The following MEAK7 variants were observed in gnomAD, a reference collection of about 807,000 sequenced individuals.
The protein encoded by MEAK7 is MTOR-associated protein MEAK7.
In MEAK7, 68 loss-of-function variants were observed where a neutral mutation model predicts 40.5. The observed-to-expected ratio is 1.68, with a 90% confidence interval of 1.38 to 2.06. The LOEUF is 2.06. MEAK7 is among the 30% of genes most tolerant of loss of function. MEAK7 has a pLI of 0.00. For missense variants in MEAK7, 918 were observed against 580.5 expected, an observed-to-expected ratio of 1.58 and a Z score of -5.98; for synonymous variants, 338 against 231.9, an observed-to-expected ratio of 1.46 and a Z score of -4.16.
chr16:84,497,435 G>C, intron 2 of MEAK7: 1 of 1,288,932 alleles, frequency 7.8e-7, no homozygotes, highest in African/African-American at 1.5e-5. Context: ...TAGAGGCAAC[G>C]GTGCACCTGA....
At position 84,479,974 on chromosome 16, in the gene MEAK7, AG is replaced by A. The variant is rs759552425; in HGVS notation, c.1309del (p.Leu437TrpfsTer37). 6.2e-7 allele frequency: 1 copy of A among 1,609,826 alleles called. No individual in the cohort carries two copies. Among genetic ancestry groups the A allele is most frequent in the Admixed American group, 1.7e-5 (1 of 59,830 alleles). ...GTGGCGCGAATGCCCACTGATCTCCAGCAGGGCCTGGGCCTCAGGGTCCGCA... is the reference window on the plus strand; with the variant it reads ...GTGGCGCGAATGCCCACTGATCTCCACAGGGCCTGGGCCTCAGGGTCCGCA... ...LDADPEAQAL[L>X]EISGHSRHSE... On this transcript the variant is annotated frameshift_variant, in exon 8 of 8. Coordinates refer to ENST00000343629, the MANE Select transcript of MEAK7 (RefSeq NM_020947.4). LOFTEE classifies it high-confidence loss of function.
chr16:84,479,611 G>C lies in MEAK7; in HGVS notation c.*302C>G, dbSNP rs150202968. The C allele has an allele frequency of 0.015, 3,822 of 259,332 alleles. 41 individuals carry two copies. The highest frequency in any genetic ancestry group is 0.019 in the Non-Finnish European group (2,645 of 137,942). 16.1% of individuals were successfully genotyped at this position (259,332 alleles called of 1,614,324 possible). A position where few individuals can be genotyped will look rare whatever the true frequency, so the allele number is the denominator to read the frequency against. On this transcript the variant is annotated 3_prime_UTR_variant, in exon 8 of 8. Transcript: ENST00000343629. Reference sequence around the variant, plus strand: ...GTCTCAGCTGCTTAGGATTTCGTTGGTAAAAAAGAACAAAGTATAAGACTG... The same window carrying C: ...GTCTCAGCTGCTTAGGATTTCGTTGCTAAAAAAGAACAAAGTATAAGACTG...
At chr16:84,495,657 T>G (rs750927559) in intron 3 of MEAK7, 26 bp downstream of exon 3, 5 of 1,610,082 alleles carry the variant, frequency 3.1e-6, no homozygotes, top group Non-Finnish European at 4.3e-6. Context: ...CTGAGGAGGC[T>G]GCAAAGGACC....
At chr16:84,480,129 T>A in intron 7 of MEAK7, 103 bp from the exon 8 acceptor site, 1 of 959,312 alleles carries the variant, frequency 1.0e-6, no homozygotes, top group Non-Finnish European at 1.5e-6. Context: ...CAGGCTCCGG[T>A]TCCCCCTAAG....
At chr16:84,481,620 G>A (rs1452458169) in intron 6 of MEAK7, among the ~76,000 whole-genome samples, 1 of 152,172 alleles carries the variant, frequency 6.6e-6, no homozygotes, top group East Asian at 1.9e-4. Context: ...TGCAGAAACA[G>A]GGCTGGATTT....
At chr16:84,501,594 G>T (rs1484604633) in intron 1 of MEAK7, among the ~76,000 whole-genome samples, 2 of 152,190 alleles carry the variant, frequency 1.3e-5, no homozygotes, top group African/African-American at 4.8e-5. Context: ...GCAGGCCCAG[G>T]AGATGACAGG....
intron 3 of MEAK7, among the ~76,000 whole-genome samples, chr16:84,493,937 C>T (rs1352395904): frequency 3.9e-5 from 6 of 152,156 alleles, no homozygotes; most frequent in Non-Finnish European, 8.8e-5. Flanking sequence ...TCCAAGTTTT[C>T]TTGGGACCTC....
chr16:84,477,841 A>C lies in MEAK7; in HGVS notation c.*2072T>G, dbSNP rs1395019966. 6.6e-6 allele frequency: 1 copy of C among 152,150 alleles called. No homozygotes were observed. Among genetic ancestry groups the C allele is most frequent in the Non-Finnish European group, 1.5e-5 (1 of 68,076 alleles). The allele number at this position is 152,150 out of a possible 1,614,324, so 9.4% of individuals were successfully genotyped here. On this transcript the variant is annotated 3_prime_UTR_variant, in exon 8 of 8. Transcript: ENST00000343629. ...CGTGCACCAAGAGAAGCCCACAGAG[A>C]GAGCTGCATCCCCCAGGCTCCCAAG...
chr16:84,485,177 C>A (rs1219279774), intron 5 of MEAK7, among the ~76,000 whole-genome samples: 1 of 152,200 alleles, frequency 6.6e-6, no homozygotes, highest in African/African-American at 2.4e-5. Context: ...GTGGCCGTGG[C>A]AAGGCTGAGG....
intron 4 of MEAK7, 89 bp from the exon 5 acceptor site, chr16:84,487,148 C>T (rs1470249260): frequency 6.2e-6 from 8 of 1,298,640 alleles, no homozygotes; most frequent in Middle Eastern, 4.0e-4. Context: ...GTGGGAGCCA[C>T]GAGTCACATG....
At chr16:84,499,044 G>T (rs1306441410) in intron 1 of MEAK7, among the ~76,000 whole-genome samples, 1 of 152,166 alleles carries the variant, frequency 6.6e-6, no homozygotes. Flanking sequence ...GACCTGCCTG[G>T]CACTGACCGT....
chr16:84,498,287 G>A (rs1914222025), intron 1 of MEAK7, among the ~76,000 whole-genome samples, 176 bp from the exon 2 acceptor site: 1 of 152,148 alleles, frequency 6.6e-6, no homozygotes, highest in African/African-American at 2.4e-5. Context: ...TTGTGTTGCT[G>A]AGGTGGGATC....
chr16:84,497,539 G>A (rs1469749072), intron 2 of MEAK7: 2 of 1,292,410 alleles, frequency 1.5e-6, no homozygotes, highest in Admixed American at 2.3e-5. Flanking sequence ...GAGGGACGTG[G>A]TTCAAGAGAC....
In MEAK7 at chr16:84,476,462, A is replaced by G. The variant is rs1310301388; in HGVS notation, c.*3451T>C. 3.3e-5 allele frequency: 5 copies of G among 152,266 alleles called. No individual in the cohort carries two copies. Among genetic ancestry groups the G allele is most frequent in the African/African-American group, 4.8e-5 (2 of 41,546 alleles). The allele number at this position is 152,266 out of a possible 1,614,324, so 9.4% of individuals were successfully genotyped here. ...CTCAAGAGGTTTTTTTAATTCATCT[A>G]TATCTAAATAAAAGGCATATACCTC... On this transcript the variant is annotated 3_prime_UTR_variant, in exon 8 of 8. Transcript: ENST00000343629.
intron 2 of MEAK7, chr16:84,497,327 G>T: frequency 9.9e-7 from 1 of 1,005,150 alleles, no homozygotes; most frequent in Non-Finnish European, 1.3e-6. Flanking sequence ...GGGCAAATGG[G>T]CAGTTTTAAC....
chr16:84,496,418 C>T (rs1262399645), intron 2 of MEAK7, among the ~76,000 whole-genome samples: 2 of 152,090 alleles, frequency 1.3e-5, no homozygotes, highest in African/African-American at 4.8e-5. Flanking sequence ...TTGGAGCTAC[C>T]CCTCCCTCCG....
chr16:84,498,899 T>C (rs1914272967), intron 1 of MEAK7, among the ~76,000 whole-genome samples: 1 of 152,224 alleles, frequency 6.6e-6, no homozygotes, highest in African/African-American at 2.4e-5. Flanking sequence ...TGCCTCCTCC[T>C]AGCTGTGTAG....
intron 3 of MEAK7, chr16:84,494,864 C>A: frequency 2.2e-6 from 1 of 449,532 alleles, no homozygotes; most frequent in Non-Finnish European, 4.4e-6. Context: ...AATAAAAACT[C>A]AGGACTCCAA....
intron 3 of MEAK7, 29 bp downstream of exon 3, chr16:84,495,654 G>A (rs781698571): frequency 6.2e-7 from 1 of 1,609,496 alleles, no homozygotes; most frequent in East Asian, 2.2e-5. Flanking sequence ...CTGCTGAGGA[G>A]GCTGCAAAGG....
Sources: gnomAD v4.1 joint callset for allele counts (sites outside exome capture counted in the v4.1 genomes callset) on GRCh38, gnomAD v4.1.1 for gene constraint, MANE v1.5 for transcripts, NCBI Gene and HGNC (gene_info 2026-07-23, HGNC 2026-07-21) for gene names.